The following ACTMAP variants were observed in gnomAD, a reference collection of about 807,000 sequenced individuals.
ACTMAP encodes the protein actin maturation protease, also known as UPF0692 protein C19orf54.
At chr19:40,745,026 G>T in the ACTMAP span, 2 of 1,368,054 alleles carry the variant, frequency 1.5e-6, no homozygotes, top group Non-Finnish European at 2.0e-6. Context: ...CCTCCTCCCA[G>T]CAGGGACAAT....
chr19:40,749,761 G>A, the ACTMAP span: 6 of 1,480,480 alleles, frequency 4.1e-6, no homozygotes. Context: ...GTTTTTGGAG[G>A]AGAAATTGGT....
the ACTMAP span, among the ~76,000 whole-genome samples, chr19:40,746,228 T>C: frequency 6.6e-6 from 1 of 152,100 alleles, no homozygotes; most frequent in South Asian, 2.1e-4. Context: ...GTTTGTTTGT[T>C]TGTTTTTTGG....
At chr19:40,749,484 T>A in the ACTMAP span, 1 of 1,526,260 alleles carries the variant, frequency 6.6e-7, no homozygotes, top group Non-Finnish European at 8.8e-7. Flanking sequence ...ACCCTACCGG[T>A]CCTTGTGTAG....
At chr19:40,746,610 C>T in the ACTMAP span, among the ~76,000 whole-genome samples, 3 of 152,140 alleles carry the variant, frequency 2.0e-5, no homozygotes, top group Non-Finnish European at 2.9e-5. Flanking sequence ...CTCCTGACTT[C>T]GTGATTTGCC....
At chr19:40,743,793 G>A in the ACTMAP span, 1 of 1,357,678 alleles carries the variant, frequency 7.4e-7, no homozygotes, top group Non-Finnish European at 1.0e-6. Flanking sequence ...CTAATGCTAA[G>A]TGCCCAGCCT....
chr19:40,748,608 C>G, the ACTMAP span, among the ~76,000 whole-genome samples: 1 of 152,164 alleles, frequency 6.6e-6, no homozygotes. Flanking sequence ...CTCTCCAGGG[C>G]TCCCCCGTGC....
chr19:40,748,857 C>A, the ACTMAP span, among the ~76,000 whole-genome samples: 3 of 152,120 alleles, frequency 2.0e-5, no homozygotes, highest in Non-Finnish European at 4.4e-5. Context: ...CCAAGAAGCT[C>A]CCCCTGACTC....
the ACTMAP span, among the ~76,000 whole-genome samples, chr19:40,748,697 T>A: frequency 6.6e-6 from 1 of 152,204 alleles, no homozygotes; most frequent in Admixed American, 6.5e-5. Context: ...CAGCCCCATG[T>A]TTGCCACTTC....
chr19:40,749,154 C>A, the ACTMAP span, among the ~76,000 whole-genome samples: 1 of 151,976 alleles, frequency 6.6e-6, no homozygotes, highest in Non-Finnish European at 1.5e-5. Flanking sequence ...CCACACCTGG[C>A]TAATTTTTGT....
chr19:40,744,481 C>G, the ACTMAP span: 89 of 1,567,192 alleles, frequency 5.7e-5, no homozygotes, highest in Non-Finnish European at 7.5e-5. Flanking sequence ...CCCTGACACA[C>G]GGCTGCCAGC....
the ACTMAP span, chr19:40,749,883 G>A: frequency 8.6e-7 from 1 of 1,156,776 alleles, no homozygotes; most frequent in Non-Finnish European, 1.2e-6. Flanking sequence ...TCTCAGGGAT[G>A]GAGATTTTAA....
chr19:40,743,404 T>C, the ACTMAP span, among the ~76,000 whole-genome samples: 1 of 152,102 alleles, frequency 6.6e-6, no homozygotes, highest in Non-Finnish European at 1.5e-5. Context: ...GGCTAATTTT[T>C]GTATTTTTAG....
the ACTMAP span, among the ~76,000 whole-genome samples, chr19:40,747,251 T>C: frequency 3.3e-5 from 5 of 151,586 alleles, no homozygotes; most frequent in East Asian, 7.8e-4. Flanking sequence ...ATTAAAAGCA[T>C]GGAGGCCGGG....
the ACTMAP span, chr19:40,742,408 C>T: frequency 6.9e-7 from 1 of 1,450,134 alleles, no homozygotes; most frequent in Non-Finnish European, 9.1e-7. Flanking sequence ...CCGAGCTAGG[C>T]TGCAGCCTGA....
the ACTMAP span, chr19:40,745,020 C>A: frequency 1.5e-6 from 2 of 1,320,560 alleles, no homozygotes; most frequent in South Asian, 1.3e-5. Context: ...TTCCCTCCTC[C>A]TCCCAGCAGG....
At chr19:40,746,719 A>G in the ACTMAP span, among the ~76,000 whole-genome samples, 1 of 151,894 alleles carries the variant, frequency 6.6e-6, no homozygotes, top group Non-Finnish European at 1.5e-5. Context: ...CATGTTGGTC[A>G]GGCTGGTCTC....
the ACTMAP span, chr19:40,745,327 G>A: frequency 5.8e-6 from 5 of 867,334 alleles, no homozygotes; most frequent in Non-Finnish European, 9.2e-6. Flanking sequence ...TAAGGCTGAA[G>A]GCGGCTCCTG....
At chr19:40,744,526 A>G in the ACTMAP span, 18 of 1,611,036 alleles carry the variant, frequency 1.1e-5, no homozygotes, top group Non-Finnish European at 1.4e-5. Flanking sequence ...AGCCTCATGA[A>G]GAGATGATGG....
chr19:40,742,683 G>C, the ACTMAP span: 1 of 1,613,072 alleles, frequency 6.2e-7, no homozygotes, highest in Non-Finnish European at 8.5e-7. Context: ...TTGGCAGGGC[G>C]TGCCCAGCAC....
Sources: gnomAD v4.1 joint callset for allele counts (sites outside exome capture counted in the v4.1 genomes callset) on GRCh38, gnomAD v4.1.1 for gene constraint, MANE v1.5 for transcripts, NCBI Gene and HGNC (gene_info 2026-07-23, HGNC 2026-07-21) for gene names.